Variants in THNSL1 observed in about 807,000 individuals in gnomAD.
THNSL1 encodes the protein threonine synthase-like 1.
Under a neutral mutation model 50.4 loss-of-function variants are expected in THNSL1, and 48 were observed. The observed-to-expected ratio is 0.95, with a 90% CI of 0.76 to 1.21. THNSL1 has a LOEUF of 1.21. Among genes scored for constraint, THNSL1 ranks in the 50% most tolerant of loss-of-function variants. The pLI is 0.00. For missense variants in THNSL1, 896 were observed against 871.7 expected (o/e 1.03, Z -0.35); for synonymous variants, 309 against 306.1 (o/e 1.01, Z -0.10).
At chr10:24,964,102 T>A in the THNSL1 span, among the ~76,000 whole-genome samples, 1 of 152,346 alleles carries the variant, frequency 6.6e-6, no homozygotes, top group Admixed American at 6.5e-5. Context: ...CCTGGCTTCT[T>A]TTGCTCCTTA....
At chr10:25,019,115 CAGTT>C (rs1318191690) in intron 1 of THNSL1, among the ~76,000 whole-genome samples, 3 of 152,192 alleles carry the variant, frequency 2.0e-5, no homozygotes, top group Non-Finnish European at 4.4e-5. Flanking sequence ...TCCTGATACA[CAGTT>C]AGTTCTCCAT....
At chr10:24,995,163 A>G in the THNSL1 span, among the ~76,000 whole-genome samples, 1 of 152,244 alleles carries the variant, frequency 6.6e-6, no homozygotes, top group African/African-American at 2.4e-5. Context: ...AAATATATTC[A>G]TGTTAAAATA....
chr10:24,999,362 A>G, the THNSL1 span: 3 of 1,559,316 alleles, frequency 1.9e-6, no homozygotes, highest in Admixed American at 4.0e-5. Flanking sequence ...TCACCTGCTA[A>G]TGCTTTTAAT....
Position 25,024,655 on chromosome 10 carries a change from C to T in THNSL1, c.1432C>T (p.Pro478Ser). 6.2e-7 allele frequency: 1 copy of T among 1,614,244 alleles called. No individual in the cohort carries two copies. The highest frequency in any genetic ancestry group is 8.5e-7 in the Non-Finnish European group (1 of 1,180,052). ...CTCCATAAACTGGGGCCGACTACTT[C>T]CGCAGGTAGTTTATCATGCTTCCGC... Reference protein sequence around the residue: ...ANSINWGRLLPQVVYHASAYL... With the variant: ...ANSINWGRLLSQVVYHASAYL... The change falls in exon 3 of 3, where the codon CCG becomes TCG. Residue 478 changes from proline to serine, a missense_variant. Physicochemically the swap from Pro to Ser is moderately conservative, Grantham distance 74. Coordinates refer to ENST00000376356, the MANE Select transcript of THNSL1 (RefSeq NM_024838.5).
chr10:25,021,574 CAG>C (rs1035430977), intron 1 of THNSL1, among the ~76,000 whole-genome samples, 166 bp from the exon 2 acceptor site: 2 of 152,048 alleles, frequency 1.3e-5, no homozygotes, highest in African/African-American at 2.4e-5. Flanking sequence ...TGTTTAAAAA[CAG>C]TATTTTAATC....
chr10:24,979,937 C>T, the THNSL1 span, among the ~76,000 whole-genome samples: 18 of 151,870 alleles, frequency 1.2e-4, no homozygotes, highest in African/African-American at 4.4e-4. Flanking sequence ...AATTTTGAAA[C>T]CTCCCTCTTC....
chr10:25,015,162 T>C (rs1161694252), upstream of THNSL1, among the ~76,000 whole-genome samples: 1 of 152,224 alleles, frequency 6.6e-6, no homozygotes, highest in Non-Finnish European at 1.5e-5. Flanking sequence ...TCCCTACAGA[T>C]GGGAGTAACT....
At chr10:24,990,703 T>G in the THNSL1 span, 1 of 1,262,726 alleles carries the variant, frequency 7.9e-7, no homozygotes, top group Non-Finnish European at 1.1e-6. Context: ...AAAGAAATGG[T>G]ACAGACTAAA....
At chr10:24,997,301 C>T in the THNSL1 span, among the ~76,000 whole-genome samples, 5 of 152,010 alleles carry the variant, frequency 3.3e-5, no homozygotes, top group Non-Finnish European at 7.4e-5. Flanking sequence ...TGATGTTGGA[C>T]TCCTAGTTCT....
At chr10:25,022,097 G>A (rs776922714) in intron 2 of THNSL1, among the ~76,000 whole-genome samples, 189 bp downstream of exon 2, 1 of 152,118 alleles carries the variant, frequency 6.6e-6, no homozygotes, top group Admixed American at 6.5e-5. Context: ...GCCCCACTAT[G>A]TGTCTGTGAC....
At chr10:24,984,292 G>A in the THNSL1 span, 2 of 1,473,482 alleles carry the variant, frequency 1.4e-6, no homozygotes, top group African/African-American at 1.4e-5. Flanking sequence ...GTTGGAGACA[G>A]TTTAGAGTAG....
chr10:24,952,654 G>T, the THNSL1 span: 1 of 1,048,498 alleles, frequency 9.5e-7, no homozygotes, highest in Non-Finnish European at 1.4e-6. This position sits in a 1 kb window ranked among gnomAD's most constrained non-coding sequence, Gnocchi z 5.1. Context: ...GGGATGGGAC[G>T]TGGGGATGGG....
chr10:25,025,331 C>T lies in THNSL1; in HGVS notation c.2108C>T (p.Pro703Leu), dbSNP rs1554772873. 6.2e-7 allele frequency: 1 copy of T among 1,614,186 alleles called. No homozygotes were observed. Among genetic ancestry groups the T allele is most frequent in the Non-Finnish European group, 8.5e-7 (1 of 1,180,042 alleles). ...CTGGGTTCATACAATGCATTACCTC[C>T]ACTGCATGAGGCTTTATTAGAGAGA... ...YLLGSYNALP[P>L]LHEALLERTK... Residue 703 changes from proline (P) to leucine (L), a missense_variant, in exon 3 of 3, where the codon CCA (proline) becomes CTA (leucine). Coordinates refer to ENST00000376356, the MANE Select transcript of THNSL1 (RefSeq NM_024838.5).
the THNSL1 span, among the ~76,000 whole-genome samples, chr10:24,970,704 T>G: frequency 7.4e-6 from 1 of 134,754 alleles, no homozygotes; most frequent in Non-Finnish European, 1.6e-5. Context: ...CAGCATGAGA[T>G]CCTGTCTCTA....
At chr10:24,982,073 T>C in the THNSL1 span, 1 of 152,216 alleles carries the variant, frequency 6.6e-6, no homozygotes, top group Non-Finnish European at 1.5e-5. Flanking sequence ...GGAATGCAGA[T>C]GAAAATGTAT....
rs750821406 is a variant in THNSL1 at position 25,025,314 on chromosome 10, A to G, written c.2091A>G (p.Ser697=). The change falls in exon 3 of 3, where the codon TCA becomes TCG. Residue 697 remains serine (S), a synonymous_variant. Coordinates refer to ENST00000376356, the MANE Select transcript of THNSL1 (RefSeq NM_024838.5). ...TSSSQLYLLG[S]YNALPPLHEA... ...CAAGTCAGCTCTATTTGCTGGGTTCATACAATGCATTACCTCCACTGCATG... is the reference window on the plus strand; with the variant it reads ...CAAGTCAGCTCTATTTGCTGGGTTCGTACAATGCATTACCTCCACTGCATG... 1.2e-6 allele frequency: 2 copies of G among 1,614,254 alleles called. No individual in the cohort carries two copies. Among genetic ancestry groups the G allele is most frequent in the Admixed American group, 1.7e-5 (1 of 60,028 alleles).
At chr10:25,020,369 T>C (rs1475648115) in intron 1 of THNSL1, among the ~76,000 whole-genome samples, 4 of 152,040 alleles carry the variant, frequency 2.6e-5, no homozygotes, top group Non-Finnish European at 5.9e-5. Context: ...AAAAGTAAGA[T>C]TGCAAAACAT....
chr10:24,982,606 A>C, the THNSL1 span: 4 of 152,222 alleles, frequency 2.6e-5, no homozygotes, highest in African/African-American at 9.6e-5. Context: ...GTCACTGGTC[A>C]GCTGTCCAAG....
At chr10:24,989,646 G>A in the THNSL1 span, among the ~76,000 whole-genome samples, 1 of 152,134 alleles carries the variant, frequency 6.6e-6, no homozygotes, top group Non-Finnish European at 1.5e-5. Flanking sequence ...TTTAAGAAAT[G>A]TTTATTGATG....
Sources: gnomAD v4.1 joint callset for allele counts (sites outside exome capture counted in the v4.1 genomes callset) on GRCh38, gnomAD v4.1.1 for gene constraint, Gnocchi (gnomAD v3.1) non-coding constraint, MANE v1.5 for transcripts, NCBI Gene and HGNC (gene_info 2026-07-23, HGNC 2026-07-21) for gene names.